Variants in IQSEC3 observed in about 807,000 individuals in gnomAD.
IQSEC3 encodes IQ motif and SEC7 domain-containing protein 3.
IQSEC3 carries 50 observed loss-of-function variants against 105.4 expected under a neutral mutation model. The observed-to-expected ratio is 0.47, with a 90% CI of 0.38 to 0.60. IQSEC3 has a LOEUF of 0.60. Among genes scored for constraint, IQSEC3 ranks in the 20% least tolerant of loss-of-function variants. IQSEC3 has a pLI of 0.00. For synonymous variants in IQSEC3, 708 were observed against 746.0 expected, an observed-to-expected ratio of 0.95 and a Z score of 0.83; for missense variants, 1,415 against 1,630.0, an observed-to-expected ratio of 0.87 and a Z score of 2.27.
At chr12:89,045 C>T (rs1212091091) in intron 1 of IQSEC3, among the ~76,000 whole-genome samples, 1 of 152,112 alleles carries the variant, frequency 6.6e-6, no homozygotes, top group Admixed American at 6.5e-5. Flanking sequence ...TTTACCATGA[C>T]CTGACCCTCC....
chr12:74,220 G>T (rs1322563296), intron 1 of IQSEC3, among the ~76,000 whole-genome samples: 1 of 152,268 alleles, frequency 6.6e-6, no homozygotes, highest in Non-Finnish European at 1.5e-5. Flanking sequence ...CCTTCCTAGG[G>T]ATGGAAGGTA....
At chr12:87,977 C>G (rs1454901854) in intron 1 of IQSEC3, among the ~76,000 whole-genome samples, 6 of 152,226 alleles carry the variant, frequency 3.9e-5, no homozygotes, top group Non-Finnish European at 7.3e-5. Context: ...GCAGGCTTCA[C>G]CGAAAGGAGG....
chr12:80,513 C>G (rs1450747496), intron 1 of IQSEC3, among the ~76,000 whole-genome samples: 2 of 152,188 alleles, frequency 1.3e-5, no homozygotes, highest in African/African-American at 4.8e-5. Flanking sequence ...GTTCTTTATT[C>G]TTGTGGCTTA....
Position 103,189 on chromosome 12 carries a change from C to T in IQSEC3, c.623+3975C>T, listed in dbSNP as rs148423353. ...CGATCCTGCCGCCTCCCTTCCCTTT[C>T]AGGCTCTCAGTGACAATGACCCGGT... On this transcript the variant is annotated intron_variant, in intron 2 of 13. Transcript: ENST00000538872. Among the ~76,000 whole-genome samples, 1,403 of 151,922 alleles carry T rather than the reference C, an allele frequency of 9.2e-3. 6 individuals are homozygous for T. Among genetic ancestry groups the T allele is most frequent in the Middle Eastern group, 0.031 (9 of 294 alleles).
At chr12:130,677 C>T (rs1472570436) in intron 3 of IQSEC3, among the ~76,000 whole-genome samples, 1 of 152,180 alleles carries the variant, frequency 6.6e-6, no homozygotes, top group Non-Finnish European at 1.5e-5. Flanking sequence ...CCCAGGCAGG[C>T]CTCAACGCCC....
chr12:76,086 TCACACA>T (rs55736036), intron 1 of IQSEC3, among the ~76,000 whole-genome samples: 23,665 of 147,288 alleles, frequency 0.16, 100 homozygotes, highest in Non-Finnish European at 0.2. Flanking sequence ...GAGAGTTTCA[TCACACA>T]CACACACACA....
At chr12:124,389 CAAAAAA>C (rs55767927) in intron 2 of IQSEC3, among the ~76,000 whole-genome samples, 5 of 124,980 alleles carry the variant, frequency 4.0e-5, no homozygotes, top group Non-Finnish European at 1.6e-5. Flanking sequence ...AACTCCATCT[CAAAAAA>C]AAAAAAAAAA....
At chr12:120,383 C>T (rs1004019598) in intron 2 of IQSEC3, among the ~76,000 whole-genome samples, 2 of 152,058 alleles carry the variant, frequency 1.3e-5, no homozygotes, top group Admixed American at 6.6e-5. Context: ...ACAGGTCACT[C>T]GGTGGGGATG....
At position 99,185 on chromosome 12, in the gene IQSEC3, C is replaced by T. The variant is rs140569439; in HGVS notation, c.594C>T (p.Ala198=). ...TGCACCAGTTCTGCTGCCCAGCCGC[C>T]GACGCCTGCTCCGACCTGGCCTCCC... ...TVLHQFCCPA[A]DACSDLASQS... is the part of the protein sequence containing the mutation. The change falls in exon 2 of 14, where the codon GCC becomes GCT. Residue 198 remains alanine (A), a synonymous_variant. Coordinates refer to ENST00000538872, the MANE Select transcript of IQSEC3 (RefSeq NM_001170738.2). The T allele has an allele frequency of 2.0e-4, 315 of 1,598,958 alleles. No individual in the cohort carries two copies. Among genetic ancestry groups the T allele is most frequent in the Non-Finnish European group, 2.5e-4 (300 of 1,179,736 alleles).
chr12:158,110 C>T (rs937694911), intron 7 of IQSEC3, among the ~76,000 whole-genome samples: 10 of 151,968 alleles, frequency 6.6e-5, no homozygotes, highest in African/African-American at 2.4e-4. Context: ...CTTCTCTCAT[C>T]GATGCAGCGC....
chr12:68,742 T>A (rs1863194988), intron 1 of IQSEC3, among the ~76,000 whole-genome samples: 1 of 152,168 alleles, frequency 6.6e-6, no homozygotes, highest in Non-Finnish European at 1.5e-5. Context: ...TTGTGAATAT[T>A]TGCTGTATTC....
intron 5 of IQSEC3, chr12:142,238 G>C (rs782169918): frequency 6.6e-6 from 1 of 152,252 alleles, no homozygotes; most frequent in Admixed American, 6.5e-5. Context: ...GACTGCCAGA[G>C]AGGGTTTGGA....
chr12:124,005 G>C (rs1360293457), intron 2 of IQSEC3, among the ~76,000 whole-genome samples: 1 of 152,132 alleles, frequency 6.6e-6, no homozygotes, highest in Non-Finnish European at 1.5e-5. Flanking sequence ...TAAGCACTCA[G>C]CATTTGCCCA....
At position 165,802 on chromosome 12, in the gene IQSEC3, C is replaced by G; in HGVS notation, c.2883C>G (p.Ala961=). The change falls in exon 11 of 14, where the codon GCC becomes GCG. Residue 961 remains alanine, a synonymous_variant. Transcript: ENST00000538872. ...AGAAGCAGGTGCTGCATTTCTGTGC[C>G]CTGGGCTCGGACGAGATGCAGAAGT... ...SEKKQVLHFC[A]LGSDEMQKFV... 1 of 1,614,044 alleles carries G rather than the reference C, an allele frequency of 6.2e-7. No individual in the cohort carries two copies.
chr12:161,385 T>C (rs1866883758), intron 7 of IQSEC3, among the ~76,000 whole-genome samples: 1 of 152,292 alleles, frequency 6.6e-6, no homozygotes, highest in African/African-American at 2.4e-5. Flanking sequence ...CTCGCCTGCA[T>C]TGCCAGGGGT....
intron 2 of IQSEC3, among the ~76,000 whole-genome samples, chr12:101,227 C>T (rs1231500338): frequency 6.6e-6 from 1 of 152,166 alleles, no homozygotes; most frequent in Non-Finnish European, 1.5e-5. Flanking sequence ...TGTGTCGTGC[C>T]CACCTGCAGC....
intron 5 of IQSEC3, chr12:141,678 T>G: frequency 4.9e-6 from 1 of 204,158 alleles, no homozygotes; most frequent in Non-Finnish European, 9.7e-6. Flanking sequence ...GACCCTCCCA[T>G]TCTCCAAGGT....
At chr12:153,501 G>C (rs1555093234) in intron 5 of IQSEC3, among the ~76,000 whole-genome samples, 4 of 151,668 alleles carry the variant, frequency 2.6e-5, no homozygotes, top group African/African-American at 9.8e-5. Flanking sequence ...CAGGAGGGTA[G>C]AGTGTCCCAC....
chr12:145,065 TCA>T (rs1427715220), intron 5 of IQSEC3, among the ~76,000 whole-genome samples: 2 of 152,222 alleles, frequency 1.3e-5, no homozygotes, highest in African/African-American at 2.4e-5. Context: ...ACTCCTGGCC[TCA>T]CACAGTGCTC....
Sources: allele counts gnomAD v4.1 joint callset (sites outside exome capture counted in the v4.1 genomes callset), GRCh38; gene constraint gnomAD v4.1.1; transcripts MANE v1.5; gene names NCBI Gene and HGNC (gene_info 2026-07-23, HGNC 2026-07-21).